The following RIC1 variants were observed in gnomAD, a reference collection of about 807,000 sequenced individuals.
RIC1 encodes the protein RIC1 partner of RAB6A GEF complex, also known as guanine nucleotide exchange factor subunit RIC1.
RIC1 carries 88 observed loss-of-function variants against 169.0 expected under a neutral mutation model. The ratio of observed to expected loss-of-function variants is 0.52; its 90% CI spans 0.44 to 0.62. The LOEUF is 0.62. RIC1 is among the 20% of genes least tolerant of loss of function. The pLI, the probability that RIC1 is intolerant of heterozygous loss-of-function variation, is 0.00. For missense variants in RIC1, 1,877 were observed against 1,725.5 expected (o/e 1.09, Z -1.56); for synonymous variants, 790 against 601.5 (o/e 1.31, Z -4.59).
intron 1 of RIC1, among the ~76,000 whole-genome samples, chr9:5,649,236 C>G (rs1818677460): frequency 6.6e-6 from 1 of 152,148 alleles, no homozygotes; most frequent in East Asian, 1.9e-4. Context: ...ACTTAGAAAA[C>G]TGTCTAAATA....
chr9:5,684,523 G>A (rs995304165), intron 2 of RIC1, among the ~76,000 whole-genome samples: 1 of 151,802 alleles, frequency 6.6e-6, no homozygotes, highest in Admixed American at 6.6e-5. Flanking sequence ...TAATGTTACT[G>A]ATTTTTTTCA....
chr9:5,732,087 C>T (rs530614570), intron 6 of RIC1, among the ~76,000 whole-genome samples: 1 of 152,252 alleles, frequency 6.6e-6, no homozygotes, highest in Non-Finnish European at 1.5e-5. Context: ...ACAAGAAAGT[C>T]ATCTTTATTT....
intron 2 of RIC1, among the ~76,000 whole-genome samples, chr9:5,684,569 G>C (rs1297662018): frequency 6.6e-6 from 1 of 151,778 alleles, no homozygotes. Context: ...TAAAAATGCA[G>C]TTGATTTTTC....
At chr9:5,637,490 T>G (rs1348621665) in intron 1 of RIC1, among the ~76,000 whole-genome samples, 1 of 152,234 alleles carries the variant, frequency 6.6e-6, no homozygotes, top group African/African-American at 2.4e-5. Context: ...ATAGTTATTT[T>G]AAAATATACA....
intron 3 of RIC1, among the ~76,000 whole-genome samples, chr9:5,698,971 G>A (rs924159453): frequency 1.1e-4 from 17 of 152,272 alleles, no homozygotes; most frequent in African/African-American, 3.9e-4. Context: ...AGGTGTACTT[G>A]TTCAAAAGCA....
chr9:5,714,073 C>A, intron 4 of RIC1, 70 bp downstream of exon 4: 1 of 938,280 alleles, frequency 1.1e-6, no homozygotes, highest in Non-Finnish European at 1.6e-6. Context: ...ATCCCATGAC[C>A]AACAGGAAAG....
At chr9:5,687,920 T>TG (rs1554666720) in intron 2 of RIC1, among the ~76,000 whole-genome samples, 319 of 152,100 alleles carry the variant, frequency 2.1e-3, no homozygotes, top group Non-Finnish European at 4.0e-3. Flanking sequence ...TTGGGTTTTT[T>TG]TGTGTGTGTG....
intron 2 of RIC1, among the ~76,000 whole-genome samples, chr9:5,661,920 G>C (rs1819474748): frequency 1.3e-5 from 2 of 152,000 alleles, no homozygotes; most frequent in African/African-American, 4.8e-5. Context: ...TTTTTCAAGG[G>C]GAATGCTTCC....
Position 5,720,654 on chromosome 9 carries a change from C to T in RIC1, c.624C>T (p.Asp208=), listed in dbSNP as rs1238616438. ...FLGFTDVHIR[D]MEYCATLDGF... is the part of the protein sequence containing the mutation. ...GCTTCACAGACGTACACATCAGAGA[C>T]ATGGAATACTGTGCCACACTTGATG... The change falls in exon 6 of 26, where the codon GAC becomes GAT. Residue 208 remains aspartate (D), a synonymous_variant. Coordinates refer to ENST00000414202, the MANE Select transcript of RIC1 (RefSeq NM_020829.4). 2.0e-5 allele frequency: 33 copies of T among 1,610,946 alleles called. No homozygotes were observed. The highest frequency in any genetic ancestry group is 2.8e-5 in the Non-Finnish European group (33 of 1,178,760).
rs1826069491 is a variant in RIC1 at position 5,757,338 on chromosome 9, G to A, written c.1879G>A (p.Val627Ile). 2 of 1,614,024 alleles carry A rather than the reference G, an allele frequency of 1.2e-6. No individual in the cohort carries two copies. The highest frequency in any genetic ancestry group is 1.3e-5 in the African/African-American group (1 of 75,030). Residue 627 changes from valine to isoleucine, a missense_variant, in exon 17 of 26, where the codon GTT (valine) becomes ATT (isoleucine). Physicochemically the swap from Val to Ile is conservative, Grantham distance 29. Around this residue, in one of 3 missense-constraint regions of RIC1, gnomAD observed 1,104 missense variants for 992.0 expected, o/e 1.11. Transcript: ENST00000414202. ...DGPNTTAGIQ[V>I]LQEVSMSRYI... ...TCCAAATACTACTGCTGGTATTCAA[G>A]TTCTTCAGGAGGTTTCCATGTCACG...
At chr9:5,736,076 A>G (rs919616414) in intron 7 of RIC1, among the ~76,000 whole-genome samples, 5 of 152,242 alleles carry the variant, frequency 3.3e-5, no homozygotes, top group Admixed American at 6.5e-5. Flanking sequence ...TCAGACTTTT[A>G]TAAGTAGTAA....
At chr9:5,684,896 T>C (rs191119775) in intron 2 of RIC1, among the ~76,000 whole-genome samples, 203 of 152,348 alleles carry the variant, frequency 1.3e-3, no homozygotes, top group Non-Finnish European at 2.6e-3. Context: ...TTTTGTCTAA[T>C]GCTTTTAATG....
intron 3 of RIC1, among the ~76,000 whole-genome samples, chr9:5,711,430 A>C (rs1822919176): frequency 6.6e-6 from 1 of 152,194 alleles, no homozygotes; most frequent in Non-Finnish European, 1.5e-5. Context: ...ACCCAACAGA[A>C]TTAATAGTTT....
At chr9:5,707,439 C>T (rs1176782458) in intron 3 of RIC1, among the ~76,000 whole-genome samples, 3 of 151,868 alleles carry the variant, frequency 2.0e-5, no homozygotes, top group Non-Finnish European at 4.4e-5. Flanking sequence ...ATTTTCTGTC[C>T]AGTTCTATCC....
At chr9:5,638,025 T>C (rs1243534816) in intron 1 of RIC1, among the ~76,000 whole-genome samples, 1 of 152,224 alleles carries the variant, frequency 6.6e-6, no homozygotes, top group Non-Finnish European at 1.5e-5. Context: ...ATGTTCCTTC[T>C]ATACCCAGTT....
chr9:5,720,737 G>C lies in RIC1; in HGVS notation c.707G>C (p.Arg236Thr), dbSNP rs1365151061. 6.2e-7 allele frequency: 1 copy of C among 1,607,060 alleles called. No homozygotes were observed. Among genetic ancestry groups the C allele is most frequent in the Non-Finnish European group, 8.5e-7 (1 of 1,177,504 alleles). The change falls in exon 6 of 26, where the codon AGA becomes ACA. Residue 236 changes from arginine to threonine, a missense_variant. Physicochemically the swap from Arg to Thr is moderately conservative, Grantham distance 71 (BLOSUM62 -1). Transcript: ENST00000414202. ...KVGFITPVSS[R>T]FTAEQLHGVW... ...GGATTTATTACACCAGTGTCAAGTA[G>C]ATTTACTGCAGAGGTATGACTTATT...
At chr9:5,717,309 A>G (rs1823307114) in intron 4 of RIC1, among the ~76,000 whole-genome samples, 1 of 152,182 alleles carries the variant, frequency 6.6e-6, no homozygotes, top group South Asian at 2.1e-4. Context: ...TGTTGTATAC[A>G]GTGATTTTCT....
intron 3 of RIC1, among the ~76,000 whole-genome samples, chr9:5,705,920 A>C (rs1822559034): frequency 6.6e-6 from 1 of 152,016 alleles, no homozygotes; most frequent in African/African-American, 2.4e-5. Context: ...TTTCCCCTTC[A>C]TTCTATTAAT....
At chr9:5,651,150 C>A (rs1180215825) in intron 1 of RIC1, among the ~76,000 whole-genome samples, 3 of 152,134 alleles carry the variant, frequency 2.0e-5, no homozygotes, top group African/African-American at 7.2e-5. Flanking sequence ...TGCAGGAGTC[C>A]GTGGTGGGAG....
Sources: allele counts gnomAD v4.1 joint callset (sites outside exome capture counted in the v4.1 genomes callset), GRCh38; gene constraint gnomAD v4.1.1; regional missense constraint gnomAD v4.1.1; transcripts MANE v1.5; gene names NCBI Gene and HGNC (gene_info 2026-07-23, HGNC 2026-07-21).